Variants in ARHGAP32 observed in about 807,000 individuals in gnomAD.
The protein encoded by ARHGAP32 is rho GTPase-activating protein 32.
Under a neutral mutation model 186.5 loss-of-function variants are expected in ARHGAP32, and 51 were observed. That is an observed-to-expected ratio of 0.27 (90% CI 0.22 to 0.35). The LOEUF is 0.35. ARHGAP32 is among the 10% of genes least tolerant of loss of function. The pLI is 1.00. For synonymous variants in ARHGAP32, 950 were observed against 964.3 expected (o/e 0.99, Z 0.27); for missense variants, 2,186 against 2,623.5 (o/e 0.83, Z 3.64).
intron 6 of ARHGAP32, among the ~76,000 whole-genome samples, chr11:129,077,114 C>T (rs1376543477): frequency 2.0e-5 from 3 of 152,156 alleles, no homozygotes; most frequent in African/African-American, 4.8e-5. Flanking sequence ...CTTTCCTGGG[C>T]ACTTCCTGGT....
chr11:129,034,743 A>AAAAAG (rs1555076850), intron 11 of ARHGAP32, among the ~76,000 whole-genome samples: 1 of 149,362 alleles, frequency 6.7e-6, no homozygotes, highest in Non-Finnish European at 1.5e-5. Context: ...AAAAAAAAAA[A>AAAAAG]AGAGAGAGAG....
intron 6 of ARHGAP32, among the ~76,000 whole-genome samples, chr11:129,080,832 GATAA>G (rs1941198108): frequency 6.6e-6 from 1 of 151,742 alleles, no homozygotes; most frequent in African/African-American, 2.4e-5. Flanking sequence ...TCTTTGAAAA[GATAA>G]ATAAAATCAC....
At chr11:128,973,623 CAA>C (rs1274368105) in intron 21 of ARHGAP32, 191 bp from the exon 22 acceptor site, 1 of 632,112 alleles carries the variant, frequency 1.6e-6, no homozygotes, top group Non-Finnish European at 2.7e-6. Flanking sequence ...AAAACTAAAA[CAA>C]ACAGTGTATA....
Position 128,968,773 on chromosome 11 carries a change from T to C in ARHGAP32, c.*134A>G, listed in dbSNP as rs1023151848. 5.9e-6 allele frequency: 4 copies of C among 682,752 alleles called. No homozygotes were observed. The South Asian group carries it at 1.9e-4, about 33-fold the overall frequency. The allele number at this position is 682,752 out of a possible 1,614,324, so 42.3% of individuals were successfully genotyped here. On this transcript the variant is annotated 3_prime_UTR_variant, in exon 23 of 23. Transcript: ENST00000682385. Reference sequence around the variant, plus strand: ...GGAAGGGGAAAAAGATGCTGATTTGTTTACTTTTATTATCATTTTTTAAAT... The same window carrying C: ...GGAAGGGGAAAAAGATGCTGATTTGCTTACTTTTATTATCATTTTTTAAAT...
intron 1 of ARHGAP32, among the ~76,000 whole-genome samples, chr11:129,190,828 T>A (rs566396421): frequency 2.0e-5 from 3 of 152,288 alleles, no homozygotes; most frequent in African/African-American, 7.2e-5. Flanking sequence ...AACATGTGAC[T>A]AACAATTAGC....
intron 2 of ARHGAP32, among the ~76,000 whole-genome samples, chr11:129,142,358 A>G (rs1393797989): frequency 6.6e-6 from 1 of 152,214 alleles, no homozygotes; most frequent in Non-Finnish European, 1.5e-5. Flanking sequence ...TCCCAACTCC[A>G]GATCTATGAC....
At chr11:129,000,019 CTGT>C (rs1235900161) in intron 11 of ARHGAP32, among the ~76,000 whole-genome samples, 1 of 152,136 alleles carries the variant, frequency 6.6e-6, no homozygotes, top group Non-Finnish European at 1.5e-5. Flanking sequence ...CACTTGTAAT[CTGT>C]TGAATATAAC....
intron 2 of ARHGAP32, chr11:129,126,062 T>A (rs1249289507): frequency 2.4e-6 from 1 of 411,562 alleles, no homozygotes; most frequent in Admixed American, 2.9e-5. Context: ...TATTATTTCA[T>A]CAGTACTCAT....
chr11:129,261,752 T>C (rs904685795), intron 1 of ARHGAP32, among the ~76,000 whole-genome samples: 1 of 151,676 alleles, frequency 6.6e-6, no homozygotes, highest in Non-Finnish European at 1.5e-5. Flanking sequence ...AGGCAATTTG[T>C]TCTGTTAATC....
At chr11:129,021,681 C>T (rs982230781) in intron 11 of ARHGAP32, among the ~76,000 whole-genome samples, 2 of 151,878 alleles carry the variant, frequency 1.3e-5, no homozygotes, top group Non-Finnish European at 2.9e-5. Context: ...TAAGTTACAC[C>T]TTTTTCCTGC....
chr11:128,978,765 C>T lies in ARHGAP32; in HGVS notation c.2122+5G>A. The T allele has an allele frequency of 6.2e-7, 1 of 1,604,398 alleles. No homozygotes were observed. The highest frequency in any genetic ancestry group is 1.1e-5 in the South Asian group (1 of 89,012). On this transcript the variant is annotated splice_donor_5th_base_variant and intron_variant, in intron 19 of 22. Coordinates refer to ENST00000682385, the MANE Select transcript of ARHGAP32 (RefSeq NM_001378024.1). ...AGCAGAAGTGAGAATCTCCCAGGCA[C>T]TCACCTTTCAGAGCCATGGCTTTCA...
intron 1 of ARHGAP32, among the ~76,000 whole-genome samples, chr11:129,219,936 C>G (rs563542275): frequency 1.3e-5 from 2 of 152,072 alleles, no homozygotes; most frequent in African/African-American, 4.8e-5. Flanking sequence ...AATCCATAAC[C>G]ATCTTGACAT....
intron 1 of ARHGAP32, among the ~76,000 whole-genome samples, chr11:129,200,833 A>T (rs1334196322): frequency 6.6e-6 from 1 of 152,208 alleles, no homozygotes; most frequent in African/African-American, 2.4e-5. Context: ...CCTGAACCAT[A>T]AAATGTTTTC....
intron 22 of ARHGAP32, chr11:128,971,894 A>T (rs554564066): frequency 1.3e-5 from 2 of 152,456 alleles, no homozygotes; most frequent in African/African-American, 4.8e-5. Flanking sequence ...TCATTGAAAC[A>T]GGCACCTGAC....
chr11:129,098,941 G>C (rs1165855903), intron 5 of ARHGAP32, among the ~76,000 whole-genome samples: 2 of 151,956 alleles, frequency 1.3e-5, no homozygotes, highest in Non-Finnish European at 2.9e-5. Flanking sequence ...AATCCTCATG[G>C]CAACCACAAA....
chr11:129,276,140 T>C (rs937583620), intron 1 of ARHGAP32, among the ~76,000 whole-genome samples: 1 of 152,222 alleles, frequency 6.6e-6, no homozygotes, highest in Non-Finnish European at 1.5e-5. Flanking sequence ...GCAGCAGCAG[T>C]AGCTCACAGT....
chr11:129,116,966 A>G (rs1239648295), intron 5 of ARHGAP32, among the ~76,000 whole-genome samples: 2 of 152,026 alleles, frequency 1.3e-5, no homozygotes, highest in Non-Finnish European at 2.9e-5. Flanking sequence ...ATTTGTTTCT[A>G]TTTTACAAAT....
chr11:129,200,547 T>C (rs1219993616), intron 1 of ARHGAP32, among the ~76,000 whole-genome samples: 2 of 152,170 alleles, frequency 1.3e-5, no homozygotes, highest in Middle Eastern at 3.2e-3. Context: ...TCCACCAAGA[T>C]TGTGAGGCCT....
intron 2 of ARHGAP32, among the ~76,000 whole-genome samples, chr11:129,134,376 G>A (rs1386083666): frequency 6.6e-6 from 1 of 152,134 alleles, no homozygotes; most frequent in Non-Finnish European, 1.5e-5. Context: ...TTATTCTGGA[G>A]TGCCTCACCA....
Sources: gnomAD v4.1 joint callset for allele counts (sites outside exome capture counted in the v4.1 genomes callset) on GRCh38, gnomAD v4.1.1 for gene constraint, MANE v1.5 for transcripts, NCBI Gene and HGNC (gene_info 2026-07-23, HGNC 2026-07-21) for gene names.